The following NIBAN1 variants were observed in gnomAD, a reference collection of about 807,000 sequenced individuals.
The protein encoded by NIBAN1 is protein Niban 1.
A neutral mutation model predicts 75.1 loss-of-function variants in NIBAN1; 81 were observed. The ratio of observed to expected loss-of-function variants is 1.08; its 90% CI spans 0.90 to 1.30. The LOEUF (loss-of-function observed/expected upper bound fraction) is 1.30. NIBAN1 is among the 50% of genes most tolerant of loss of function. The pLI, the probability that NIBAN1 is intolerant of heterozygous loss-of-function variation, is 0.00. For missense variants in NIBAN1, 1,133 were observed against 1,128.1 expected, an observed-to-expected ratio of 1.00 and a Z score of -0.06; for synonymous variants, 436 against 424.8, an observed-to-expected ratio of 1.03 and a Z score of -0.32.
intron 6 of NIBAN1, among the ~76,000 whole-genome samples, chr1:184,825,670 T>C (rs1297683787): frequency 6.6e-6 from 1 of 152,240 alleles, no homozygotes; most frequent in African/African-American, 2.4e-5. Context: ...ATTCTACACA[T>C]CCACTCATGC....
At chr1:184,896,892 A>T (rs1016021540) in intron 2 of NIBAN1, among the ~76,000 whole-genome samples, 1 of 151,996 alleles carries the variant, frequency 6.6e-6, no homozygotes, top group Non-Finnish European at 1.5e-5. Flanking sequence ...ATTCTGTTCC[A>T]TTGGTCTATG....
chr1:184,842,531 A>T (rs1395842984), intron 5 of NIBAN1, among the ~76,000 whole-genome samples: 1 of 152,192 alleles, frequency 6.6e-6, no homozygotes, highest in Non-Finnish European at 1.5e-5. Context: ...AGGCAGGCGG[A>T]TTACCTGGGG....
At chr1:184,905,598 C>T (rs1353411861) in intron 1 of NIBAN1, among the ~76,000 whole-genome samples, 1 of 152,134 alleles carries the variant, frequency 6.6e-6, no homozygotes, top group Non-Finnish European at 1.5e-5. Context: ...CTTTCTCCCC[C>T]TAAGTCCCCT....
chr1:184,951,880 CCATTGCT>C (rs1420883323), intron 1 of NIBAN1, among the ~76,000 whole-genome samples: 1 of 152,180 alleles, frequency 6.6e-6, no homozygotes, highest in Non-Finnish European at 1.5e-5. Context: ...CTCACAGTTC[CCATTGCT>C]CATTCCTCCG....
At chr1:184,835,329 C>T (rs1303406592) in intron 5 of NIBAN1, among the ~76,000 whole-genome samples, 1 of 152,128 alleles carries the variant, frequency 6.6e-6, no homozygotes, top group African/African-American at 2.4e-5. Context: ...AATGTGGGCT[C>T]GTTTTTGGTT....
intron 5 of NIBAN1, among the ~76,000 whole-genome samples, chr1:184,871,703 G>A (rs1175414676): frequency 1.3e-5 from 2 of 152,122 alleles, no homozygotes; most frequent in African/African-American, 4.8e-5. Flanking sequence ...CCTTTTTCTA[G>A]CCTCCCAGGA....
intron 1 of NIBAN1, among the ~76,000 whole-genome samples, chr1:184,906,469 A>G (rs898262515): frequency 2.6e-5 from 4 of 152,100 alleles, no homozygotes; most frequent in Admixed American, 6.5e-5. Flanking sequence ...CGTCCCTACT[A>G]AAAATACAAA....
chr1:184,923,318 G>T (rs1657606820), intron 1 of NIBAN1, among the ~76,000 whole-genome samples: 1 of 152,188 alleles, frequency 6.6e-6, no homozygotes, highest in African/African-American at 2.4e-5. Flanking sequence ...TTACTGAAGA[G>T]ACTGTCCCTT....
At chr1:184,880,225 T>G (rs1656341919) in intron 5 of NIBAN1, among the ~76,000 whole-genome samples, 1 of 152,204 alleles carries the variant, frequency 6.6e-6, no homozygotes, top group Non-Finnish European at 1.5e-5. Flanking sequence ...TACCATGGGT[T>G]GATATTGACA....
In NIBAN1 at chr1:184,823,711, A is replaced by C. The variant is rs749466991; in HGVS notation, c.749T>G (p.Leu250Arg). Residue 250 changes from leucine (L) to arginine (R), a missense_variant, in exon 7 of 14, where the codon CTG (leucine) becomes CGG (arginine). Leu to Arg is a moderately radical substitution (Grantham distance 102). Transcript: ENST00000367511. The stretch of plus-strand genomic sequence containing the variant: ...CAGCAGGTCTGTCTGAAGAGTGGGC[A>C]GGAGCTCCTCCATCACCAGGTTACT... The part of the protein sequence containing the change: ...ILSNLVMEEL[L>R]PTLQTDLLPK... 1 of 1,614,118 alleles carries C rather than the reference A, an allele frequency of 6.2e-7. No homozygotes were observed. The highest frequency in any genetic ancestry group is 1.1e-5 in the South Asian group (1 of 91,082).
chr1:184,896,723 A>G (rs181133503), intron 2 of NIBAN1, among the ~76,000 whole-genome samples: 200 of 152,224 alleles, frequency 1.3e-3, no homozygotes, highest in African/African-American at 4.6e-3. Flanking sequence ...TTTTGTATAT[A>G]ATGAGAGATA....
At chr1:184,805,068 G>A (rs952097869) in intron 11 of NIBAN1, among the ~76,000 whole-genome samples, 8 of 152,302 alleles carry the variant, frequency 5.3e-5, no homozygotes, top group Middle Eastern at 3.4e-3. Flanking sequence ...GATTACAGGC[G>A]TGAGCCACTG....
intron 1 of NIBAN1, among the ~76,000 whole-genome samples, chr1:184,915,002 G>C (rs892634662): frequency 6.6e-6 from 1 of 152,192 alleles, no homozygotes; most frequent in African/African-American, 2.4e-5. Context: ...GATTACAGGC[G>C]TGAGCCACTG....
At chr1:184,800,823 T>C (rs1654018543) in intron 12 of NIBAN1, among the ~76,000 whole-genome samples, 1 of 152,208 alleles carries the variant, frequency 6.6e-6, no homozygotes, top group South Asian at 2.1e-4. Context: ...ATAGGGTAGA[T>C]GTATGCTTAA....
At chr1:184,973,010 T>C (rs1571616706) in intron 1 of NIBAN1, among the ~76,000 whole-genome samples, 1 of 152,236 alleles carries the variant, frequency 6.6e-6, no homozygotes. Flanking sequence ...TTTCAGTCCC[T>C]ATACACTGGT....
In NIBAN1 at chr1:184,851,656, T is replaced by A. The variant is rs1044199626; in HGVS notation, c.602-19694A>T. Among the ~76,000 whole-genome samples the A allele has an allele frequency of 1.7e-4, 23 of 137,816 alleles. 1 individual carries two copies. Among genetic ancestry groups the A allele is most frequent in the Admixed American group, 3.6e-4 (5 of 13,926 alleles). 90.4% of individuals were successfully genotyped at this position (137,816 alleles called of 152,430 possible). On this transcript the variant is annotated intron_variant, in intron 5 of 13. Transcript: ENST00000367511. ...AAAAAAAAAAAATTAAAAAAAAAAA[T>A]TTTAAAAAGAACCAGATTATACATT...
At chr1:184,958,676 G>A (rs1658553175) in intron 1 of NIBAN1, among the ~76,000 whole-genome samples, 1 of 152,246 alleles carries the variant, frequency 6.6e-6, no homozygotes, top group East Asian at 1.9e-4. Context: ...TTACTACAGT[G>A]ATTATCATTT....
intron 1 of NIBAN1, 140 bp from the exon 2 acceptor site, chr1:184,899,449 T>G: frequency 5.8e-6 from 5 of 865,420 alleles, no homozygotes; most frequent in Non-Finnish European, 8.6e-6. Context: ...GTCACCCCTG[T>G]TTCCCAGATA....
chr1:184,953,712 G>A (rs4651242), intron 1 of NIBAN1, among the ~76,000 whole-genome samples: 83,107 of 152,012 alleles, frequency 0.55, 24,165 homozygotes, highest in Non-Finnish European at 0.65. Context: ...GCTATAGTAC[G>A]CCTCAGGAGT....
Sources: gnomAD v4.1 joint callset for allele counts (sites outside exome capture counted in the v4.1 genomes callset) on GRCh38, gnomAD v4.1.1 for gene constraint, MANE v1.5 for transcripts, NCBI Gene and HGNC (gene_info 2026-07-23, HGNC 2026-07-21) for gene names.